NEIL3: variants seen among roughly 807,000 people sequenced by gnomAD.
The protein encoded by NEIL3 is nei like DNA glycosylase 3, also known as endonuclease 8-like 3.
In NEIL3, 48 loss-of-function variants were observed where a neutral mutation model predicts 57.5. The ratio of observed to expected loss-of-function variants is 0.83; its 90% CI spans 0.66 to 1.06. The LOEUF (loss-of-function observed/expected upper bound fraction) is 1.06. Among genes scored for constraint, NEIL3 ranks in the 50% least tolerant of loss-of-function variants. NEIL3 has a pLI of 0.00. For missense variants in NEIL3, 717 were observed against 739.1 expected (o/e 0.97, Z 0.35); for synonymous variants, 261 against 253.2 (o/e 1.03, Z -0.29).
intron 4 of NEIL3, among the ~76,000 whole-genome samples, chr4:177,339,383 G>A (rs1477395182): frequency 2.0e-5 from 3 of 152,224 alleles, no homozygotes; most frequent in Admixed American, 2.0e-4. Flanking sequence ...GCTGAGCCCA[G>A]GAGTTTGAAG....
chr4:177,310,002 C>G lies in NEIL3; in HGVS notation c.49C>G (p.Arg17Gly). Residue 17 changes from arginine to glycine, a missense_variant, in exon 1 of 10, where the codon CGG (arginine) becomes GGG (glycine). Coordinates refer to ENST00000264596, the MANE Select transcript of NEIL3 (RefSeq NM_018248.3). Reference sequence around the variant, plus strand: ...TCTGAATGGAGAGAAGATTCGCGCGCGGGTGCTCCCGGGCCAGGCGGTGAC... The same window carrying G: ...TCTGAATGGAGAGAAGATTCGCGCGGGGGTGCTCCCGGGCCAGGCGGTGAC... ...CTLNGEKIRA[R>G]VLPGQAVTGV... 6.2e-7 allele frequency: 1 copy of G among 1,610,620 alleles called. No individual in the cohort carries two copies. The highest frequency in any genetic ancestry group is 2.0e-4 in the Middle Eastern group (1 of 4,968).
chr4:177,353,765 C>CTT (rs377620463), intron 8 of NEIL3, 37 bp downstream of exon 8: 2,165 of 1,211,690 alleles, frequency 1.8e-3, no homozygotes, highest in African/African-American at 2.4e-3. Context: ...AAGATAATTG[C>CTT]TTTTTTTTTT....
Position 177,362,698 on chromosome 4 carries a change from T to C in NEIL3, c.*227T>C. On this transcript the variant is annotated 3_prime_UTR_variant, in exon 10 of 10. Coordinates refer to ENST00000264596, the MANE Select transcript of NEIL3 (RefSeq NM_018248.3). The stretch of plus-strand genomic sequence containing the variant: ...GTATTTCATCGGATATACAGCATAT[T>C]CCATTTAGGATGTGTATTTAATGCA... The C allele has an allele frequency of 2.7e-6, 1 of 370,050 alleles. No individual in the cohort carries two copies. The highest frequency in any genetic ancestry group is 4.4e-5 in the East Asian group (1 of 22,512). The allele number at this position is 370,050 out of a possible 1,614,324, so 22.9% of individuals were successfully genotyped here.
chr4:177,349,066 T>C (rs1295191389), intron 6 of NEIL3, among the ~76,000 whole-genome samples: 1 of 139,848 alleles, frequency 7.2e-6, no homozygotes, highest in Non-Finnish European at 1.5e-5. Context: ...GTATTTTTAG[T>C]AGAGACGGGG....
chr4:177,331,699 A>G (rs1180709948), intron 2 of NEIL3, among the ~76,000 whole-genome samples: 1 of 152,178 alleles, frequency 6.6e-6, no homozygotes, highest in Non-Finnish European at 1.5e-5. Context: ...GCTAAATCCC[A>G]GACACCATGT....
intron 1 of NEIL3, among the ~76,000 whole-genome samples, chr4:177,314,805 C>T (rs139867970): frequency 2.0e-5 from 3 of 151,980 alleles, no homozygotes; most frequent in African/African-American, 4.8e-5. Context: ...AGGCCGGGCG[C>T]GGTGGCTCAC....
At chr4:177,318,703 T>C (rs575293932) in intron 1 of NEIL3, among the ~76,000 whole-genome samples, 1 of 152,326 alleles carries the variant, frequency 6.6e-6, no homozygotes, top group Non-Finnish European at 1.5e-5. Flanking sequence ...TCCTTTAAAA[T>C]TGCAACCCGT....
At chr4:177,352,128 A>G (rs917801010) in intron 7 of NEIL3, among the ~76,000 whole-genome samples, 7 of 152,222 alleles carry the variant, frequency 4.6e-5, no homozygotes, top group Non-Finnish European at 7.3e-5. Context: ...GAGCCATCTC[A>G]TTGCAGCGGC....
intron 9 of NEIL3, among the ~76,000 whole-genome samples, chr4:177,362,063 A>G (rs1385314678): frequency 6.6e-6 from 1 of 152,186 alleles, no homozygotes; most frequent in African/African-American, 2.4e-5. Flanking sequence ...GAAGCTCAGA[A>G]TTATGGCCAT....
intron 8 of NEIL3, among the ~76,000 whole-genome samples, chr4:177,355,106 A>G (rs2110935207): frequency 6.6e-6 from 1 of 152,304 alleles, no homozygotes; most frequent in South Asian, 2.1e-4. Context: ...CCAACACAGG[A>G]CACATTTCTC....
At chr4:177,315,102 C>T (rs12649950) in intron 1 of NEIL3, among the ~76,000 whole-genome samples, 25,407 of 148,460 alleles carry the variant, frequency 0.17, 4,326 homozygotes, top group African/African-American at 0.43. Flanking sequence ...TGTTGTTGTA[C>T]TGGGGGGAAA....
At chr4:177,338,270 T>C (rs1735017355) in intron 4 of NEIL3, among the ~76,000 whole-genome samples, 1 of 152,164 alleles carries the variant, frequency 6.6e-6, no homozygotes, top group Non-Finnish European at 1.5e-5. Flanking sequence ...TAGTCACTGA[T>C]AAGTGATTTT....
At chr4:177,314,769 G>C (rs17064604) in intron 1 of NEIL3, among the ~76,000 whole-genome samples, 3,677 of 152,150 alleles carry the variant, frequency 0.024, 92 homozygotes, top group African/African-American at 0.06. Flanking sequence ...GTATTTAAGA[G>C]ATCTCTGATT....
intron 6 of NEIL3, among the ~76,000 whole-genome samples, chr4:177,349,332 GT>G (rs1390514641): frequency 6.6e-6 from 1 of 152,144 alleles, no homozygotes; most frequent in Non-Finnish European, 1.5e-5. Flanking sequence ...AAATTAAGGT[GT>G]GGGTAGGACT....
Position 177,322,541 on chromosome 4 carries a change from G to A in NEIL3, c.239G>A (p.Gly80Glu), listed in dbSNP as rs777079196. ...GYVYSGVETL[G>E]KELFMYFGPK... ...GTTTACAGTGGCGTGGAAACTTTGG[G>A]GAAGGAGCTCTTTATGTACTTTGGA... Residue 80 changes from glycine to glutamate, a missense_variant, in exon 2 of 10, where the codon GGG becomes GAG. By Grantham distance (98) the Gly-to-Glu change is moderately conservative. Coordinates refer to ENST00000264596, the MANE Select transcript of NEIL3 (RefSeq NM_018248.3). 6.2e-7 allele frequency: 1 copy of A among 1,613,900 alleles called. No homozygotes were observed. The highest frequency in any genetic ancestry group is 1.1e-5 in the South Asian group (1 of 91,066).
intron 4 of NEIL3, among the ~76,000 whole-genome samples, chr4:177,336,606 A>T (rs1010818471): frequency 2.0e-5 from 3 of 152,158 alleles, no homozygotes; most frequent in African/African-American, 7.2e-5. Flanking sequence ...CCTTTCAAAC[A>T]TAACATATTT....
chr4:177,357,373 T>G (rs930492693), intron 8 of NEIL3, among the ~76,000 whole-genome samples: 6 of 152,170 alleles, frequency 3.9e-5, no homozygotes, highest in African/African-American at 1.2e-4. Context: ...GTGATTTTTT[T>G]TTTAAGTTCA....
At chr4:177,371,261 G>A in the NEIL3 span, among the ~76,000 whole-genome samples, 1 of 152,104 alleles carries the variant, frequency 6.6e-6, no homozygotes, top group African/African-American at 2.4e-5. Context: ...ATACTTGCCT[G>A]CTTGTAATAT....
At chr4:177,367,132 CG>C (rs768045428), downstream of NEIL3, among the ~76,000 whole-genome samples, 2 of 152,252 alleles carry the variant, frequency 1.3e-5, no homozygotes, top group East Asian at 3.9e-4. Context: ...CCAAATCTGA[CG>C]AATCTCAGTA....
Sources: allele counts gnomAD v4.1 joint callset (sites outside exome capture counted in the v4.1 genomes callset), GRCh38; gene constraint gnomAD v4.1.1; transcripts MANE v1.5; gene names NCBI Gene and HGNC (gene_info 2026-07-23, HGNC 2026-07-21).